The following KANSL1 variants were observed in gnomAD, a reference collection of about 807,000 sequenced individuals.
KANSL1 encodes KAT8 regulatory NSL complex subunit 1.
KANSL1 carries 22 observed loss-of-function variants against 103.6 expected under a neutral mutation model. The observed-to-expected ratio is 0.21, with a 90% CI of 0.15 to 0.30. The LOEUF (loss-of-function observed/expected upper bound fraction) is 0.30. Ranked by LOEUF, KANSL1 falls within the 10% of genes least tolerant of loss-of-function variation. The probability of loss-of-function intolerance (pLI) is 1.00; values close to 1 mark genes in which losing one functional copy is unlikely to be tolerated. For synonymous variants in KANSL1, 600 were observed against 527.6 expected (o/e 1.14, Z -1.88); for missense variants, 1,337 against 1,399.8 (o/e 0.96, Z 0.72).
At chr17:46,124,667 GGGA>G (rs2043433984) in intron 2 of KANSL1, among the ~76,000 whole-genome samples, 1 of 152,188 alleles carries the variant, frequency 6.6e-6, no homozygotes, top group African/African-American at 2.4e-5. Flanking sequence ...CATGATTCAT[GGGA>G]GGAGTTCAAA....
At chr17:46,115,223 CT>C (rs2042991678) in intron 2 of KANSL1, among the ~76,000 whole-genome samples, 1 of 144,432 alleles carries the variant, frequency 6.9e-6, no homozygotes. Flanking sequence ...CCACACCCAG[CT>C]AATTTTTTTA....
At chr17:46,062,818 G>A (rs2078226789) in intron 6 of KANSL1, among the ~76,000 whole-genome samples, 1 of 152,110 alleles carries the variant, frequency 6.6e-6, no homozygotes, top group Non-Finnish European at 1.5e-5. Context: ...GGGAGGCCGA[G>A]GCGGGTGGAT....
intron 1 of KANSL1, among the ~76,000 whole-genome samples, chr17:46,204,553 T>G (rs2047903582): frequency 6.6e-6 from 1 of 152,218 alleles, no homozygotes; most frequent in South Asian, 2.1e-4. Context: ...ATGTTCAAAG[T>G]TCAACCAAAA....
intron 2 of KANSL1, among the ~76,000 whole-genome samples, chr17:46,154,827 G>C (rs867178598): frequency 6.6e-6 from 1 of 152,204 alleles, no homozygotes; most frequent in Non-Finnish European, 1.5e-5. Context: ...GCCATCTCCA[G>C]GTTTAATCTT....
At chr17:46,101,925 T>C (rs1366181457) in intron 2 of KANSL1, among the ~76,000 whole-genome samples, 1 of 152,178 alleles carries the variant, frequency 6.6e-6, no homozygotes, top group Non-Finnish European at 1.5e-5. Flanking sequence ...CAAGCCATAT[T>C]CTGAGAGTTT....
intron 1 of KANSL1, among the ~76,000 whole-genome samples, chr17:46,183,479 G>A (rs74693982): frequency 0.11 from 17,003 of 149,746 alleles, no homozygotes; most frequent in Non-Finnish European, 0.17. Context: ...GGTGGAGGTC[G>A]CAGTGAGCTG....
chr17:46,069,927 A>C (rs2078516363), intron 4 of KANSL1, among the ~76,000 whole-genome samples: 1 of 152,128 alleles, frequency 6.6e-6, no homozygotes, highest in Non-Finnish European at 1.5e-5. Context: ...TATCCTGTAC[A>C]TCTACTAAGA....
upstream of KANSL1, chr17:46,196,432 G>C (rs1205403254): frequency 2.2e-6 from 1 of 456,146 alleles, no homozygotes; most frequent in African/African-American, 2.0e-5. Context: ...GTGAGAAAAG[G>C]TTCTTCAATC....
chr17:46,155,655 T>C (rs2045383524), intron 2 of KANSL1, among the ~76,000 whole-genome samples: 2 of 152,216 alleles, frequency 1.3e-5, no homozygotes, highest in African/African-American at 4.8e-5. Context: ...AAAAGGTTAA[T>C]GGTGCCTCTG....
intron 3 of KANSL1, 65 bp from the exon 4 acceptor site, chr17:46,082,607 G>A: frequency 1.1e-6 from 1 of 927,454 alleles, no homozygotes; most frequent in East Asian, 2.5e-5. Flanking sequence ...TAATTTAGGA[G>A]TTAAGTCTCA....
intron 1 of KANSL1, among the ~76,000 whole-genome samples, chr17:46,189,557 A>G (rs971558416): frequency 6.6e-6 from 1 of 152,214 alleles, no homozygotes; most frequent in African/African-American, 2.4e-5. Context: ...TCCAGTGTGG[A>G]TTAGTTTGGT....
At chr17:46,212,571 A>C (rs2048198874) in intron 1 of KANSL1, among the ~76,000 whole-genome samples, 2 of 152,198 alleles carry the variant, frequency 1.3e-5, no homozygotes, top group Admixed American at 6.5e-5. Context: ...ATCCTTAAAT[A>C]TACCATGATT....
At chr17:46,149,474 C>T (rs2044949844) in intron 2 of KANSL1, among the ~76,000 whole-genome samples, 1 of 152,236 alleles carries the variant, frequency 6.6e-6, no homozygotes, top group Non-Finnish European at 1.5e-5. Flanking sequence ...AATATTTAGG[C>T]TTTGCAGGCC....
At chr17:46,174,216 T>C (rs62060916) in intron 1 of KANSL1, among the ~76,000 whole-genome samples, 21,954 of 152,188 alleles carry the variant, frequency 0.14, 2,137 homozygotes, top group Non-Finnish European at 0.22. Flanking sequence ...AACAGAGTCT[T>C]GCTCTGTCGC....
chr17:46,167,612 A>C (rs558951727), intron 2 of KANSL1, among the ~76,000 whole-genome samples: 58 of 152,324 alleles, frequency 3.8e-4, no homozygotes, highest in African/African-American at 1.3e-3. Flanking sequence ...AAAATTTTCC[A>C]AGAAGAGTTT....
At chr17:46,089,096 A>G (rs1190848512) in intron 3 of KANSL1, among the ~76,000 whole-genome samples, 7 of 152,264 alleles carry the variant, frequency 4.6e-5, no homozygotes, top group Admixed American at 4.6e-4. Context: ...AAACGAACAT[A>G]CATGAGTAAA....
intron 4 of KANSL1, among the ~76,000 whole-genome samples, chr17:46,079,337 C>T (rs2078901975): frequency 6.6e-6 from 1 of 152,276 alleles, no homozygotes; most frequent in Non-Finnish European, 1.5e-5. Flanking sequence ...GACTATGTAT[C>T]CTTGCAGTGT....
chr17:46,074,216 A>G (rs2078678059), intron 4 of KANSL1, among the ~76,000 whole-genome samples: 2 of 152,224 alleles, frequency 1.3e-5, no homozygotes, highest in East Asian at 3.8e-4. Context: ...GTACATGCTA[A>G]AAGGACACAG....
chr17:46,055,130 T>A (rs1336895819), intron 6 of KANSL1, among the ~76,000 whole-genome samples: 1 of 151,680 alleles, frequency 6.6e-6, no homozygotes, highest in Non-Finnish European at 1.5e-5. Flanking sequence ...ATTACAGACG[T>A]GAGCCACCGT....
Sources: gnomAD v4.1 joint callset for allele counts (sites outside exome capture counted in the v4.1 genomes callset) on GRCh38, gnomAD v4.1.1 for gene constraint, MANE v1.5 for transcripts, NCBI Gene and HGNC (gene_info 2026-07-23, HGNC 2026-07-21) for gene names.